ST8SIA2: variants seen among roughly 807,000 people sequenced by gnomAD.
ST8SIA2 encodes alpha-2,8-sialyltransferase 8B.
A neutral mutation model predicts 37.6 loss-of-function variants in ST8SIA2; 22 were observed. The ratio of observed to expected loss-of-function variants is 0.58; its 90% confidence interval spans 0.42 to 0.83. ST8SIA2 has a LOEUF of 0.83. ST8SIA2 is among the 40% of genes least tolerant of loss of function. The pLI is 0.00. For synonymous variants in ST8SIA2, 205 were observed against 201.2 expected (o/e 1.02, Z -0.16); for missense variants, 382 against 484.7 (o/e 0.79, Z 1.99).
At chr15:92,445,267 T>C (rs2049834011) in intron 5 of ST8SIA2, 1 of 423,208 alleles carries the variant, frequency 2.4e-6, no homozygotes, top group Non-Finnish European at 4.3e-6. Context: ...TCACATACCA[T>C]CCCAGGTGTG....
intron 1 of ST8SIA2, among the ~76,000 whole-genome samples, chr15:92,411,216 A>G (rs920979983): frequency 6.6e-5 from 10 of 152,322 alleles, no homozygotes; most frequent in Admixed American, 1.3e-4. Flanking sequence ...AAGGATTCCC[A>G]AAGGGACCCA....
chr15:92,423,270 T>C (rs1054092793), intron 1 of ST8SIA2, among the ~76,000 whole-genome samples: 8 of 152,120 alleles, frequency 5.3e-5, no homozygotes. Context: ...TTAAAAATGG[T>C]TAAGATGGGC....
chr15:92,452,846 C>G (rs2049891831), intron 5 of ST8SIA2, among the ~76,000 whole-genome samples: 1 of 152,124 alleles, frequency 6.6e-6, no homozygotes, highest in African/African-American at 2.4e-5. Context: ...GAAATTAAGG[C>G]TCAGAAATGC....
chr15:92,419,172 T>C (rs1302590378), intron 1 of ST8SIA2, among the ~76,000 whole-genome samples: 3 of 152,152 alleles, frequency 2.0e-5, no homozygotes, highest in African/African-American at 7.2e-5. Context: ...GTTCCAGCCA[T>C]CTGGGGGCTG....
rs1555451110 is a variant in ST8SIA2 at position 92,407,004 on chromosome 15, A to AG, written c.98+12842_98+12843insG. ...AATGAAACCCTGTCTCAAAAAAAAA[A>AG]AAAAGAAAAGAAAAAAAAAAACACT... On this transcript the variant is annotated intron_variant, in intron 1 of 5. Coordinates refer to ENST00000268164, the MANE Select transcript of ST8SIA2 (RefSeq NM_006011.4). Among the ~76,000 whole-genome samples, 1,110 of 150,698 alleles carry AG rather than the reference A, an allele frequency of 7.4e-3. 21 individuals carry two copies. The highest frequency in any genetic ancestry group is 0.026 in the African/African-American group (1,058 of 40,746).
intron 1 of ST8SIA2, among the ~76,000 whole-genome samples, chr15:92,417,189 C>T (rs2049593190): frequency 6.6e-6 from 1 of 152,178 alleles, no homozygotes; most frequent in Non-Finnish European, 1.5e-5. Context: ...AACTAGAACC[C>T]ATCAGGAACC....
chr15:92,454,969 A>T (rs1250372722), intron 5 of ST8SIA2, among the ~76,000 whole-genome samples: 1 of 152,000 alleles, frequency 6.6e-6, no homozygotes, highest in Non-Finnish European at 1.5e-5. Context: ...ATTGGTGCTT[A>T]ATTAGGCACC....
chr15:92,423,387 C>T (rs1020060463), intron 1 of ST8SIA2, among the ~76,000 whole-genome samples: 7 of 152,266 alleles, frequency 4.6e-5, no homozygotes, highest in African/African-American at 1.7e-4. Context: ...CGCCCCTATA[C>T]TCCAGCCTGG....
In ST8SIA2 at chr15:92,438,409, C is replaced by T; in HGVS notation, c.347C>T (p.Thr116Ile). The T allele has an allele frequency of 6.2e-7, 1 of 1,614,228 alleles. No homozygotes were observed. The highest frequency in any genetic ancestry group is 8.5e-7 in the Non-Finnish European group (1 of 1,180,046). ...AAGGACATTTCTGTCCTAAAGGGAA[C>T]CCTGAAGCCTGGAGATATTATTCAT... ...AEKDISVLKG[T>I]LKPGDIIHYI... The change falls in exon 4 of 6, where the codon ACC (threonine) becomes ATC (isoleucine). Residue 116 changes from threonine (T) to isoleucine (I), a missense_variant. Physicochemically the swap from Thr to Ile is moderately conservative, Grantham distance 89. Coordinates refer to ENST00000268164, the MANE Select transcript of ST8SIA2 (RefSeq NM_006011.4).
intron 3 of ST8SIA2, among the ~76,000 whole-genome samples, chr15:92,436,953 C>T (rs1462948344): frequency 2.0e-5 from 3 of 152,172 alleles, no homozygotes; most frequent in African/African-American, 7.2e-5. Flanking sequence ...CAAGATTTCT[C>T]ACATGTCAGC....
At chr15:92,395,196 A>T (rs1405924713) in intron 1 of ST8SIA2, among the ~76,000 whole-genome samples, 2 of 152,202 alleles carry the variant, frequency 1.3e-5, no homozygotes, top group African/African-American at 2.4e-5. Context: ...GGCCCTGGGC[A>T]AGGGGAAGGT....
intron 5 of ST8SIA2, among the ~76,000 whole-genome samples, chr15:92,447,919 G>C (rs111789365): frequency 1.3e-5 from 2 of 152,112 alleles, no homozygotes; most frequent in African/African-American, 4.8e-5. Flanking sequence ...ATTAAATATC[G>C]TTCCTTCCTA....
intron 3 of ST8SIA2, among the ~76,000 whole-genome samples, chr15:92,435,258 T>G (rs1161464481): frequency 6.6e-6 from 1 of 152,124 alleles, no homozygotes; most frequent in Non-Finnish European, 1.5e-5. Context: ...CAGGCCATAC[T>G]GAGCAAAGAG....
chr15:92,426,805 T>G (rs763148825), intron 1 of ST8SIA2, among the ~76,000 whole-genome samples: 1 of 152,218 alleles, frequency 6.6e-6, no homozygotes, highest in Non-Finnish European at 1.5e-5. Context: ...ATGGTAAGTG[T>G]GGGCTGGGCG....
intron 2 of ST8SIA2, among the ~76,000 whole-genome samples, chr15:92,432,700 C>A (rs750810090): frequency 6.6e-6 from 1 of 152,076 alleles, no homozygotes; most frequent in Non-Finnish European, 1.5e-5. Flanking sequence ...CTATCCTCTG[C>A]GAAGTTACAG....
chr15:92,465,888 G>A lies in ST8SIA2; in HGVS notation c.*1503G>A, dbSNP rs2049988777. ...CAGGTCTCACATAGAGAAATAGCCA[G>A]CTTGAATTTGTTAGTCGTATTCCTT... is the stretch of plus-strand genomic sequence containing the variant. On this transcript the variant is annotated 3_prime_UTR_variant, in exon 6 of 6. Transcript: ENST00000268164. 1 of 152,188 alleles carries A rather than the reference G, an allele frequency of 6.6e-6. No homozygotes were observed. The highest frequency in any genetic ancestry group is 2.1e-4 in the South Asian group (1 of 4,832). 9.4% of individuals were successfully genotyped at this position (152,188 alleles called of 1,614,324 possible). A position where few individuals can be genotyped will look rare whatever the true frequency, so the allele number is the denominator to read the frequency against.
At chr15:92,443,563 C>G (rs2141838356) in intron 4 of ST8SIA2, among the ~76,000 whole-genome samples, 1 of 152,254 alleles carries the variant, frequency 6.6e-6, no homozygotes, top group South Asian at 2.1e-4. Context: ...CCCTGTCACT[C>G]TCCTGCTCCA....
At chr15:92,405,127 A>G (rs564184499) in intron 1 of ST8SIA2, among the ~76,000 whole-genome samples, 1 of 152,336 alleles carries the variant, frequency 6.6e-6, no homozygotes, top group Admixed American at 6.5e-5. Context: ...TATCCATACA[A>G]TGGAATATTA....
At position 92,394,116 on chromosome 15, in the gene ST8SIA2, G is replaced by A; in HGVS notation, c.52G>A (p.Val18Ile). ...GCTGGCCGCGCTCACGCTGCTCGTG[G>A]TCTTCCTCATCTTCGCAGACATCTC... ...WMLAALTLLV[V>I]FLIFADISEI... Residue 18 changes from valine (V) to isoleucine (I), a missense_variant, in exon 1 of 6, where the codon GTC becomes ATC. By Grantham distance (29) the Val-to-Ile change is conservative (BLOSUM62 3). Transcript: ENST00000268164. 6.4e-7 allele frequency: 1 copy of A among 1,560,808 alleles called. No individual in the cohort carries two copies. The highest frequency in any genetic ancestry group is 8.7e-7 in the Non-Finnish European group (1 of 1,151,424).
Sources: allele counts gnomAD v4.1 joint callset (sites outside exome capture counted in the v4.1 genomes callset), GRCh38; gene constraint gnomAD v4.1.1; transcripts MANE v1.5; gene names NCBI Gene and HGNC (gene_info 2026-07-23, HGNC 2026-07-21).